PAK5: variants seen among roughly 807,000 people sequenced by gnomAD.
PAK5 encodes p21 (RAC1) activated kinase 5, also known as serine/threonine-protein kinase PAK 5.
PAK5 carries 16 observed loss-of-function variants against 65.9 expected under a neutral mutation model. The observed-to-expected ratio is 0.24, with a 90% CI of 0.16 to 0.37. PAK5 has a LOEUF of 0.37. Ranked by LOEUF, PAK5 falls within the 10% of genes least tolerant of loss-of-function variation. PAK5 has a pLI of 1.00. For synonymous variants in PAK5, 371 were observed against 354.9 expected (o/e 1.05, Z -0.51); for missense variants, 785 against 903.9 (o/e 0.87, Z 1.69).
intron 1 of PAK5, among the ~76,000 whole-genome samples, chr20:9,773,168 G>A (rs945758942): frequency 6.6e-6 from 1 of 152,138 alleles, no homozygotes; most frequent in South Asian, 2.1e-4. Flanking sequence ...TCATGCAAGT[G>A]TACCATCTCC....
intron 1 of PAK5, among the ~76,000 whole-genome samples, chr20:9,722,675 C>T (rs1331559444): frequency 6.6e-6 from 1 of 151,918 alleles, no homozygotes; most frequent in Admixed American, 6.6e-5. Context: ...GACCAGACCA[C>T]GCATGGCTTT....
intron 1 of PAK5, among the ~76,000 whole-genome samples, chr20:9,818,412 G>C (rs1053610602): frequency 3.3e-5 from 5 of 152,146 alleles, no homozygotes; most frequent in African/African-American, 1.2e-4. Context: ...AAATCTCATT[G>C]CTCGGTCCCT....
chr20:9,561,890 C>T (rs1192908852), intron 6 of PAK5, among the ~76,000 whole-genome samples: 1 of 152,194 alleles, frequency 6.6e-6, no homozygotes, highest in Admixed American at 6.5e-5. Context: ...GGTCCATGAA[C>T]CAGCAGCATT....
chr20:9,540,963 C>A (rs889881537), intron 9 of PAK5, among the ~76,000 whole-genome samples: 3 of 152,166 alleles, frequency 2.0e-5, no homozygotes, highest in Non-Finnish European at 4.4e-5. Context: ...GTCTCCATCT[C>A]CTGACCTCGT....
intron 6 of PAK5, among the ~76,000 whole-genome samples, chr20:9,560,295 G>A (rs1603207665): frequency 6.6e-6 from 1 of 152,182 alleles, no homozygotes. Context: ...AAACCCTTCA[G>A]TTCTAGAGTA....
intron 2 of PAK5, among the ~76,000 whole-genome samples, chr20:9,670,530 G>A (rs1265685165): frequency 6.6e-6 from 1 of 152,158 alleles, no homozygotes; most frequent in Non-Finnish European, 1.5e-5. Flanking sequence ...CAGTGATGAT[G>A]AGCATTTTTT....
intron 1 of PAK5, among the ~76,000 whole-genome samples, chr20:9,741,476 A>T (rs2048450583): frequency 6.6e-6 from 1 of 152,126 alleles, no homozygotes; most frequent in African/African-American, 2.4e-5. Context: ...AATGAGCTCA[A>T]TATTGCTTTT....
chr20:9,588,771 A>C (rs2046114110), intron 3 of PAK5, among the ~76,000 whole-genome samples: 1 of 152,170 alleles, frequency 6.6e-6, no homozygotes, highest in African/African-American at 2.4e-5. Context: ...TATGCCATGG[A>C]ACCTCCAGGC....
chr20:9,582,266 A>T (rs1363729141), intron 3 of PAK5, among the ~76,000 whole-genome samples: 1 of 152,012 alleles, frequency 6.6e-6, no homozygotes, highest in Non-Finnish European at 1.5e-5. Context: ...CATTACATTT[A>T]TTTGTTATAT....
intron 5 of PAK5, among the ~76,000 whole-genome samples, 181 bp downstream of exon 5, chr20:9,565,712 G>T (rs1039177377): frequency 3.3e-5 from 5 of 152,170 alleles, no homozygotes; most frequent in African/African-American, 1.2e-4. Context: ...GTACTTTATA[G>T]ATGTAACAGC....
At chr20:9,765,950 G>A (rs182223746) in intron 1 of PAK5, among the ~76,000 whole-genome samples, 47 of 152,248 alleles carry the variant, frequency 3.1e-4, no homozygotes, top group African/African-American at 1.1e-3. Flanking sequence ...TGGGCTGGGC[G>A]TGGTGGCTCA....
At chr20:9,598,208 T>G (rs550297013) in intron 3 of PAK5, among the ~76,000 whole-genome samples, 1 of 152,160 alleles carries the variant, frequency 6.6e-6, no homozygotes, top group Non-Finnish European at 1.5e-5. Flanking sequence ...GAACATGCGG[T>G]GTTTCGTTTT....
intron 2 of PAK5, among the ~76,000 whole-genome samples, chr20:9,683,945 G>A (rs2047684110): frequency 6.6e-6 from 1 of 152,150 alleles, no homozygotes. Context: ...TCCCCTGACT[G>A]ATCTTAGCTT....
intron 7 of PAK5, among the ~76,000 whole-genome samples, chr20:9,545,924 T>TAA (rs796394756): frequency 1.4e-5 from 2 of 146,518 alleles, no homozygotes; most frequent in African/African-American, 5.0e-5. Flanking sequence ...TGGTTAGAGT[T>TAA]AAAAAAAAAA....
chr20:9,662,384 C>T (rs2047358089), intron 2 of PAK5, among the ~76,000 whole-genome samples: 1 of 152,134 alleles, frequency 6.6e-6, no homozygotes, highest in African/African-American at 2.4e-5. Flanking sequence ...ATTTCACATG[C>T]TCCCCTTTCT....
intron 1 of PAK5, among the ~76,000 whole-genome samples, chr20:9,713,181 T>C (rs2048098959): frequency 6.6e-6 from 1 of 151,638 alleles, no homozygotes; most frequent in Non-Finnish European, 1.5e-5. Context: ...CAAATAATAA[T>C]CCAATTAAAA....
chr20:9,768,825 A>G (rs1245327539), intron 1 of PAK5, among the ~76,000 whole-genome samples: 16 of 151,100 alleles, frequency 1.1e-4, no homozygotes, highest in East Asian at 1.9e-4. Context: ...AAGAAAGAAA[A>G]AAAAAAAACC....
At chr20:9,619,944 T>C (rs1600154067) in intron 3 of PAK5, among the ~76,000 whole-genome samples, 1 of 152,210 alleles carries the variant, frequency 6.6e-6, no homozygotes, top group African/African-American at 2.4e-5. Context: ...TCTCAGCCAA[T>C]CATCAGATCA....
chr20:9,547,215 T>A (rs1165333524), intron 7 of PAK5, among the ~76,000 whole-genome samples: 1 of 152,110 alleles, frequency 6.6e-6, no homozygotes, highest in African/African-American at 2.4e-5. Context: ...GAAACGTATA[T>A]AAAACTTCTC....
Sources: allele counts gnomAD v4.1 joint callset (sites outside exome capture counted in the v4.1 genomes callset), GRCh38; gene constraint gnomAD v4.1.1; transcripts MANE v1.5; gene names NCBI Gene and HGNC (gene_info 2026-07-23, HGNC 2026-07-21).